Variants in CADM2 observed in about 807,000 individuals in gnomAD.
CADM2 encodes the protein cell adhesion molecule 2.
In CADM2, 12 loss-of-function variants were observed where a neutral mutation model predicts 49.8. That is an observed-to-expected ratio of 0.24 (90% CI 0.15 to 0.39). The LOEUF (loss-of-function observed/expected upper bound fraction) is 0.39, where lower values mean the gene tolerates loss of function less well. Among genes scored for constraint, CADM2 ranks in the 10% least tolerant of loss-of-function variants. The pLI is 1.00. For synonymous variants in CADM2, 214 were observed against 175.4 expected, an observed-to-expected ratio of 1.22 and a Z score of -1.74; for missense variants, 378 against 492.3, an observed-to-expected ratio of 0.77 and a Z score of 2.20.
intron 1 of CADM2, among the ~76,000 whole-genome samples, chr3:85,693,373 G>A (rs1014954434): frequency 6.7e-6 from 1 of 150,062 alleles, no homozygotes; most frequent in African/African-American, 2.5e-5. Flanking sequence ...GAGGTCAGGA[G>A]ATCGAGACCA....
At chr3:85,413,023 C>T (rs1443665002) in intron 1 of CADM2, among the ~76,000 whole-genome samples, 1 of 149,716 alleles carries the variant, frequency 6.7e-6, no homozygotes, top group African/African-American at 2.5e-5. Flanking sequence ...CGCCTGTAGT[C>T]CCAGCTATGC....
At chr3:86,034,953 C>T (rs1370745833) in intron 8 of CADM2, among the ~76,000 whole-genome samples, 1 of 151,994 alleles carries the variant, frequency 6.6e-6, no homozygotes, top group Non-Finnish European at 1.5e-5. Flanking sequence ...ATTTGTCTCT[C>T]ACCTAGATGA....
chr3:85,134,788 AT>A (rs1369521396), intron 1 of CADM2, among the ~76,000 whole-genome samples: 6 of 152,052 alleles, frequency 3.9e-5, no homozygotes, highest in African/African-American at 1.4e-4. Context: ...AATTGTGCAA[AT>A]TTTTTAAAAA....
intron 1 of CADM2, among the ~76,000 whole-genome samples, chr3:85,669,786 C>T (rs1043818956): frequency 1.3e-5 from 2 of 151,976 alleles, no homozygotes; most frequent in African/African-American, 4.8e-5. Flanking sequence ...AAAGCAGTAG[C>T]AGCTGAACAT....
rs1294408870 is a variant in CADM2, at chr3:86,064,513, CAT to C, written c.971-1091_971-1090del. The stretch of plus-strand genomic sequence containing the variant: ...CTATTGCGAGTAGTGCCGCAATAAA[CAT>C]GTGTGTGCACGTGTCTTTATAGCAG... On this transcript the variant is annotated intron_variant, in intron 8 of 9. Transcript: ENST00000383699. 3.9e-5 allele frequency among the ~76,000 whole-genome samples: 6 copies of C among 152,260 alleles called. No individual in the cohort carries two copies. In the East Asian group the frequency reaches 7.7e-4, roughly 20 times the overall value.
chr3:85,810,539 T>G lies in CADM2; in HGVS notation c.238+8343T>G, dbSNP rs1056715230. Among the ~76,000 whole-genome samples, 102 of 131,556 alleles carry G rather than the reference T, an allele frequency of 7.8e-4. No individual in the cohort carries two copies. The East Asian group carries it at 0.018, about 23-fold the overall frequency. 86.3% of individuals were successfully genotyped at this position (131,556 alleles called of 152,430 possible). On this transcript the variant is annotated intron_variant, in intron 3 of 9. Transcript: ENST00000383699. Reference sequence around the variant, plus strand: ...ATATGCTCATAGAATTCTGTTTTTTTTTTTTTTTTTTTTTTTTGGAGACTA... The same window carrying G: ...ATATGCTCATAGAATTCTGTTTTTTGTTTTTTTTTTTTTTTTTGGAGACTA...
intron 1 of CADM2, among the ~76,000 whole-genome samples, chr3:85,393,905 C>T (rs756143890): frequency 1.3e-5 from 2 of 152,154 alleles, no homozygotes; most frequent in African/African-American, 2.4e-5. Context: ...CTCCCAGTTT[C>T]ACGCCATTCT....
At chr3:85,758,098 A>T (rs2069203059) in intron 2 of CADM2, among the ~76,000 whole-genome samples, 1 of 152,178 alleles carries the variant, frequency 6.6e-6, no homozygotes, top group African/African-American at 2.4e-5. Context: ...ACAATAATGG[A>T]CAGGGATATA....
chr3:85,776,949 A>T (rs1407829429), intron 2 of CADM2, among the ~76,000 whole-genome samples: 4 of 152,080 alleles, frequency 2.6e-5, no homozygotes, highest in Non-Finnish European at 5.9e-5. Flanking sequence ...TTAATTTGAT[A>T]TGGTCTTTGA....
chr3:85,378,545 A>T (rs1461087433), intron 1 of CADM2, among the ~76,000 whole-genome samples: 1 of 152,058 alleles, frequency 6.6e-6, no homozygotes, highest in East Asian at 1.9e-4. Flanking sequence ...TATCTTGTTC[A>T]TTGCTGAATC....
chr3:85,609,688 C>G (rs1029107917), intron 1 of CADM2, among the ~76,000 whole-genome samples: 1 of 152,096 alleles, frequency 6.6e-6, no homozygotes, highest in Non-Finnish European at 1.5e-5. Context: ...ATCCATAATT[C>G]TACTTTATAA....
chr3:85,747,616 C>G (rs1173415000), intron 2 of CADM2, among the ~76,000 whole-genome samples: 1 of 151,998 alleles, frequency 6.6e-6, no homozygotes, highest in East Asian at 1.9e-4. Context: ...CTATGATGTT[C>G]TGGTGCCTTA....
At chr3:85,556,650 C>T (rs1212324506) in intron 1 of CADM2, among the ~76,000 whole-genome samples, 2 of 152,138 alleles carry the variant, frequency 1.3e-5, no homozygotes, top group African/African-American at 4.8e-5. Context: ...GCACAGATTG[C>T]TCCAGGTCAG....
intron 1 of CADM2, among the ~76,000 whole-genome samples, chr3:85,474,482 C>T (rs1012478769): frequency 6.6e-6 from 1 of 151,934 alleles, no homozygotes; most frequent in East Asian, 1.9e-4. Flanking sequence ...CCATAAAGCA[C>T]CTCCACAGAT....
intron 1 of CADM2, among the ~76,000 whole-genome samples, chr3:85,436,545 G>T (rs1176084886): frequency 6.6e-6 from 1 of 151,820 alleles, no homozygotes. Flanking sequence ...ATTGACTGTG[G>T]GTTTGTTATA....
At chr3:85,938,628 C>G (rs575506413) in intron 7 of CADM2, among the ~76,000 whole-genome samples, 7 of 151,994 alleles carry the variant, frequency 4.6e-5, no homozygotes, top group African/African-American at 1.7e-4. Flanking sequence ...CTCAGGTAAT[C>G]GTTGTCAAAG....
At chr3:85,434,510 A>T (rs930125943) in intron 1 of CADM2, among the ~76,000 whole-genome samples, 5 of 152,082 alleles carry the variant, frequency 3.3e-5, no homozygotes, top group African/African-American at 1.2e-4. Flanking sequence ...ATACAGTTAT[A>T]AAAATCAAAT....
chr3:84,972,513 G>A (rs12489021), intron 1 of CADM2, among the ~76,000 whole-genome samples: 13,593 of 152,160 alleles, frequency 0.089, 798 homozygotes, highest in Admixed American at 0.19. Flanking sequence ...CTGAGTTTGA[G>A]CCATACATAC....
At chr3:85,864,025 C>T (rs1341156183) in intron 3 of CADM2, among the ~76,000 whole-genome samples, 3 of 152,020 alleles carry the variant, frequency 2.0e-5, no homozygotes, top group Non-Finnish European at 4.4e-5. Context: ...CACAGAGTGA[C>T]TGAGAAAGGG....
Sources: allele counts gnomAD v4.1 joint callset (sites outside exome capture counted in the v4.1 genomes callset), GRCh38; gene constraint gnomAD v4.1.1; transcripts MANE v1.5; gene names NCBI Gene and HGNC (gene_info 2026-07-23, HGNC 2026-07-21).